The following GAS2 variants were observed in gnomAD, a reference collection of about 807,000 sequenced individuals.
The protein encoded by GAS2 is growth arrest specific 2, also known as growth arrest-specific protein 2.
GAS2 carries 20 observed loss-of-function variants against 37.5 expected under a neutral mutation model. The observed-to-expected ratio is 0.53, with a 90% confidence interval of 0.37 to 0.77. The LOEUF (loss-of-function observed/expected upper bound fraction) is 0.77. GAS2 is among the 30% of genes least tolerant of loss of function. GAS2 has a pLI of 0.00. For missense variants in GAS2, 336 were observed against 373.4 expected, an observed-to-expected ratio of 0.90 and a Z score of 0.82; for synonymous variants, 144 against 132.2, an observed-to-expected ratio of 1.09 and a Z score of -0.61.
At chr11:22,716,588 C>T (rs533943794) in intron 3 of GAS2, among the ~76,000 whole-genome samples, 1 of 151,100 alleles carries the variant, frequency 6.6e-6, no homozygotes, top group South Asian at 2.1e-4. Flanking sequence ...TGCAGTGAGC[C>T]AAGCTCACGC....
chr11:22,726,335 CGG>C lies in GAS2; in HGVS notation c.313_314del (p.Gly105LeufsTer22). 2 of 1,612,542 alleles carry C rather than the reference CGG, an allele frequency of 1.2e-6. No homozygotes were observed. Among genetic ancestry groups the C allele is most frequent in the Non-Finnish European group, 1.7e-6 (2 of 1,179,262 alleles). ...ATCCCATGCAAAACCAGTGCACCCT[CGG>C]GCTCCTTTTTTGCCAGAGACAATAC... is the stretch of plus-strand genomic sequence containing the variant. On this transcript the variant is annotated frameshift_variant, in exon 4 of 8. Coordinates refer to ENST00000454584, the MANE Select transcript of GAS2 (RefSeq NM_001143830.3). LOFTEE classifies it high-confidence loss of function.
chr11:22,789,443 T>TATAA (rs1856017734), intron 7 of GAS2, among the ~76,000 whole-genome samples: 3 of 101,990 alleles, frequency 2.9e-5, no homozygotes, highest in Non-Finnish European at 6.3e-5. Context: ...TATATATATA[T>TATAA]ATATATATAT....
At chr11:22,718,555 G>A (rs995791125) in intron 3 of GAS2, among the ~76,000 whole-genome samples, 1 of 151,618 alleles carries the variant, frequency 6.6e-6, no homozygotes, top group Non-Finnish European at 1.5e-5. Context: ...CAGCACAATG[G>A]GTACATTGTA....
chr11:22,802,366 G>A (rs757285667), intron 7 of GAS2, among the ~76,000 whole-genome samples: 2 of 151,656 alleles, frequency 1.3e-5, no homozygotes, highest in Non-Finnish European at 2.9e-5. Flanking sequence ...TAAATGGGGA[G>A]TTAATGGGTG....
intron 3 of GAS2, among the ~76,000 whole-genome samples, chr11:22,697,955 G>T (rs1850618977): frequency 6.6e-6 from 1 of 151,890 alleles, no homozygotes; most frequent in African/African-American, 2.4e-5. Flanking sequence ...CTGCGTAATT[G>T]CCCTGGCCAG....
intron 1 of GAS2, among the ~76,000 whole-genome samples, chr11:22,647,483 C>A (rs1848714757): frequency 6.6e-6 from 1 of 152,004 alleles, no homozygotes; most frequent in Non-Finnish European, 1.5e-5. Context: ...TTCTAGATCC[C>A]TGAGGAATCG....
chr11:22,726,973 A>G (rs1024195258), intron 4 of GAS2, among the ~76,000 whole-genome samples: 1 of 152,160 alleles, frequency 6.6e-6, no homozygotes, highest in African/African-American at 2.4e-5. Flanking sequence ...AAGATGTTGA[A>G]TTAAAAGACA....
chr11:22,645,333 C>T (rs1051903059), intron 1 of GAS2, among the ~76,000 whole-genome samples: 2 of 152,044 alleles, frequency 1.3e-5, no homozygotes, highest in Non-Finnish European at 2.9e-5. Flanking sequence ...CATGGTGAAA[C>T]CCTGTCTCTA....
intron 1 of GAS2, among the ~76,000 whole-genome samples, chr11:22,633,717 T>A (rs138233905): frequency 6.6e-6 from 1 of 152,128 alleles, no homozygotes; most frequent in East Asian, 1.9e-4. Flanking sequence ...GCCACTGTAG[T>A]TCCCCAACCA....
At chr11:22,653,665 G>A (rs1848823256) in intron 1 of GAS2, among the ~76,000 whole-genome samples, 1 of 152,186 alleles carries the variant, frequency 6.6e-6, no homozygotes, top group South Asian at 2.1e-4. Context: ...GTCTGCATTA[G>A]CAAGACCTAG....
At chr11:22,782,883 T>C (rs1333140805) in intron 7 of GAS2, among the ~76,000 whole-genome samples, 6 of 151,972 alleles carry the variant, frequency 3.9e-5, no homozygotes, top group Non-Finnish European at 7.4e-5. Context: ...GTCTTTGCTC[T>C]TGTGAATAGT....
chr11:22,803,621 T>C (rs1359802695), intron 7 of GAS2, among the ~76,000 whole-genome samples: 1 of 152,178 alleles, frequency 6.6e-6, no homozygotes, highest in Non-Finnish European at 1.5e-5. Flanking sequence ...TCAGTATTCC[T>C]ATCTATAAAA....
chr11:22,774,992 A>G (rs1045116725), intron 7 of GAS2, among the ~76,000 whole-genome samples: 1 of 152,022 alleles, frequency 6.6e-6, no homozygotes, highest in Admixed American at 6.5e-5. Flanking sequence ...GAGAGACCTC[A>G]TCAGAACTGT....
chr11:22,758,432 T>G (rs769347296), intron 7 of GAS2, among the ~76,000 whole-genome samples: 16 of 152,210 alleles, frequency 1.1e-4, no homozygotes, highest in Non-Finnish European at 1.8e-4. Context: ...GACACATACA[T>G]TGTGTCTTAA....
At chr11:22,803,344 G>A (rs1564895994) in intron 7 of GAS2, among the ~76,000 whole-genome samples, 1 of 152,074 alleles carries the variant, frequency 6.6e-6, no homozygotes, top group Non-Finnish European at 1.5e-5. Context: ...TAAATTTAAT[G>A]TTTATTTAAG....
At chr11:22,789,056 C>T (rs1300897254) in intron 7 of GAS2, among the ~76,000 whole-genome samples, 7 of 150,998 alleles carry the variant, frequency 4.6e-5, no homozygotes, top group Non-Finnish European at 4.4e-5. Flanking sequence ...CCTATAATTT[C>T]CCAAAGTAGA....
chr11:22,707,872 A>G (rs966747191), intron 3 of GAS2, among the ~76,000 whole-genome samples: 1 of 152,190 alleles, frequency 6.6e-6, no homozygotes, highest in African/African-American at 2.4e-5. Context: ...GAATGAGAAC[A>G]TTAAATTTAG....
chr11:22,685,936 G>T, intron 3 of GAS2, 147 bp downstream of exon 3: 1 of 600,698 alleles, frequency 1.7e-6, no homozygotes, highest in Non-Finnish European at 2.6e-6. Flanking sequence ...TTTTTAATTA[G>T]GTAACATGTT....
chr11:22,724,036 C>G (rs186831718), intron 3 of GAS2, among the ~76,000 whole-genome samples: 15 of 151,944 alleles, frequency 9.9e-5, no homozygotes, highest in South Asian at 4.1e-4. Context: ...TCAATTTATG[C>G]ATGTCCTTCT....
Sources: allele counts gnomAD v4.1 joint callset (sites outside exome capture counted in the v4.1 genomes callset), GRCh38; gene constraint gnomAD v4.1.1; transcripts MANE v1.5; gene names NCBI Gene and HGNC (gene_info 2026-07-23, HGNC 2026-07-21).